SND1: variants seen among roughly 807,000 people sequenced by gnomAD.
The protein encoded by SND1 is staphylococcal nuclease domain-containing protein 1.
In SND1, 38 loss-of-function variants were observed where a neutral mutation model predicts 121.7. The ratio of observed to expected loss-of-function variants is 0.31; its 90% CI spans 0.24 to 0.41. The LOEUF (loss-of-function observed/expected upper bound fraction) is 0.41, where lower values mean the gene tolerates loss of function less well. Ranked by LOEUF, SND1 falls within the 10% of genes least tolerant of loss-of-function variation. SND1 has a pLI of 1.00. For missense variants in SND1, 868 were observed against 1,184.6 expected, an observed-to-expected ratio of 0.73 and a Z score of 3.92; for synonymous variants, 401 against 447.4, an observed-to-expected ratio of 0.90 and a Z score of 1.31.
intron 17 of SND1, among the ~76,000 whole-genome samples, 170 bp from the exon 18 acceptor site, chr7:128,081,190 G>T (rs1793595074): frequency 6.6e-6 from 1 of 152,114 alleles, no homozygotes. Flanking sequence ...TAGAGATAGA[G>T]TTTCACCATA....
At chr7:128,068,917 G>A (rs1304575459) in intron 16 of SND1, among the ~76,000 whole-genome samples, 3 of 152,216 alleles carry the variant, frequency 2.0e-5, no homozygotes, top group Non-Finnish European at 2.9e-5. Flanking sequence ...TTGGGAGCAG[G>A]AGGACACGTC....
intron 16 of SND1, among the ~76,000 whole-genome samples, chr7:128,017,875 GT>G (rs1803260144): frequency 6.6e-6 from 1 of 152,250 alleles, no homozygotes; most frequent in South Asian, 2.1e-4. Flanking sequence ...GCCTGCCTTT[GT>G]TGGTCAAGTC....
intron 15 of SND1, among the ~76,000 whole-genome samples, chr7:127,937,696 A>G (rs141701054): frequency 5.9e-5 from 9 of 152,336 alleles, no homozygotes; most frequent in East Asian, 5.8e-4. Context: ...TCTCTAGCCA[A>G]TCCTCATTGG....
intron 12 of SND1, among the ~76,000 whole-genome samples, chr7:127,874,552 A>G (rs995687135): frequency 2.6e-5 from 4 of 151,960 alleles, no homozygotes; most frequent in Non-Finnish European, 4.4e-5. Context: ...GTGTTTTTTG[A>G]TACTTCTATT....
intron 15 of SND1, among the ~76,000 whole-genome samples, chr7:127,964,590 C>T (rs1465209863): frequency 6.6e-6 from 1 of 152,054 alleles, no homozygotes; most frequent in African/African-American, 2.4e-5. Flanking sequence ...TTTCTGAGGG[C>T]CCTGTTCTGT....
intron 16 of SND1, among the ~76,000 whole-genome samples, chr7:128,040,127 G>A (rs894601551): frequency 6.7e-6 from 1 of 148,882 alleles, no homozygotes; most frequent in Non-Finnish European, 1.5e-5. Flanking sequence ...ACAGCAAACA[G>A]CTGTGTATTG....
chr7:127,991,094 G>T (rs763413739), intron 16 of SND1, 38 bp downstream of exon 16: 3 of 1,507,938 alleles, frequency 2.0e-6, no homozygotes, highest in Non-Finnish European at 2.8e-6. Flanking sequence ...GTGAGGAGGG[G>T]TGACAAAATA....
intron 13 of SND1, among the ~76,000 whole-genome samples, chr7:127,898,749 A>G (rs542804014): frequency 1.1e-4 from 16 of 152,032 alleles, no homozygotes; most frequent in African/African-American, 3.9e-4. Flanking sequence ...GTTCTGTTTT[A>G]TTGTTTACAG....
intron 1 of SND1, among the ~76,000 whole-genome samples, chr7:127,657,082 A>G (rs1795225044): frequency 6.6e-6 from 1 of 152,252 alleles, no homozygotes; most frequent in Non-Finnish European, 1.5e-5. Context: ...TTAGCAGTGT[A>G]ATAACTAATG....
chr7:128,036,917 A>G (rs1238820356), intron 16 of SND1, among the ~76,000 whole-genome samples: 4 of 152,192 alleles, frequency 2.6e-5, no homozygotes, highest in Non-Finnish European at 5.9e-5. Context: ...TAATGGTTTT[A>G]ATAGCAACAT....
Position 128,016,144 on chromosome 7 carries a change from C to CTT in SND1, c.1779+25088_1779+25089insTT, listed in dbSNP as rs767867847. Among the ~76,000 whole-genome samples the CTT allele has an allele frequency of 2.8e-4, 35 of 122,970 alleles. 2 individuals carry two copies. The highest frequency in any genetic ancestry group is 4.3e-4 in the Non-Finnish European group (26 of 60,584). 80.7% of individuals were successfully genotyped at this position (122,970 alleles called of 152,430 possible). A position where few individuals can be genotyped will look rare whatever the true frequency, so the allele number is the denominator to read the frequency against. Reference sequence around the variant, plus strand: ...CTGCTTAAATAGGGAGGAACAACTTCCTTTTTTTTTTTTTTTTTTTAAGAG... The same window carrying CTT: ...CTGCTTAAATAGGGAGGAACAACTTCTTCTTTTTTTTTTTTTTTTTTTAAGAG... On this transcript the variant is annotated intron_variant, in intron 16 of 23. Transcript: ENST00000354725.
intron 16 of SND1, among the ~76,000 whole-genome samples, chr7:128,063,406 T>G (rs754167135): frequency 1.6e-4 from 24 of 152,274 alleles, no homozygotes; most frequent in Non-Finnish European, 2.6e-4. Context: ...TGAAGCCAGT[T>G]TCTGCCCCTC....
At chr7:127,688,009 C>T (rs1325832827) in intron 2 of SND1, among the ~76,000 whole-genome samples, 3 of 152,092 alleles carry the variant, frequency 2.0e-5, no homozygotes, top group Admixed American at 6.5e-5. Flanking sequence ...AATCTGGGAT[C>T]CATGCACCTC....
chr7:127,687,192 C>T (rs1795828403), intron 2 of SND1: 1 of 153,046 alleles, frequency 6.5e-6, no homozygotes, highest in South Asian at 2.1e-4. Flanking sequence ...CCTGAGACAC[C>T]TGAGGTTACT....
At chr7:127,986,627 G>A (rs559516375) in intron 15 of SND1, among the ~76,000 whole-genome samples, 1 of 152,252 alleles carries the variant, frequency 6.6e-6, no homozygotes, top group Admixed American at 6.5e-5. Context: ...GTTTCAAATA[G>A]CCATGGCCAA....
chr7:128,044,483 C>A (rs1792911124), intron 16 of SND1, among the ~76,000 whole-genome samples: 2 of 152,088 alleles, frequency 1.3e-5, no homozygotes, highest in Non-Finnish European at 2.9e-5. Context: ...TGTATGGGTC[C>A]CATACGTGTA....
chr7:127,740,342 G>A (rs769589683), intron 10 of SND1, among the ~76,000 whole-genome samples: 4 of 152,028 alleles, frequency 2.6e-5, no homozygotes, highest in African/African-American at 4.8e-5. Flanking sequence ...TATTTTTCAT[G>A]TGTTGATTTG....
intron 15 of SND1, among the ~76,000 whole-genome samples, chr7:127,984,305 G>C (rs548402742): frequency 6.6e-6 from 1 of 152,314 alleles, no homozygotes; most frequent in East Asian, 1.9e-4. Flanking sequence ...GTTAAACCAC[G>C]TTCTCTAAAT....
chr7:127,864,956 T>A (rs1263172651), intron 12 of SND1, among the ~76,000 whole-genome samples: 1 of 152,218 alleles, frequency 6.6e-6, no homozygotes, highest in African/African-American at 2.4e-5. Flanking sequence ...ACCATATGAA[T>A]GAGGATGTGA....
Sources: gnomAD v4.1 joint callset for allele counts (sites outside exome capture counted in the v4.1 genomes callset) on GRCh38, gnomAD v4.1.1 for gene constraint, MANE v1.5 for transcripts, NCBI Gene and HGNC (gene_info 2026-07-23, HGNC 2026-07-21) for gene names.